PTPN14: variants seen among roughly 807,000 people sequenced by gnomAD.
PTPN14 encodes the protein tyrosine-protein phosphatase non-receptor type 14.
A neutral mutation model predicts 126.8 loss-of-function variants in PTPN14; 53 were observed. The observed-to-expected ratio is 0.42, with a 90% confidence interval of 0.34 to 0.53. The LOEUF is 0.53. PTPN14 is among the 20% of genes least tolerant of loss of function. The pLI, the probability that PTPN14 is intolerant of heterozygous loss-of-function variation, is 0.08. For missense variants in PTPN14, 1,257 were observed against 1,552.9 expected (o/e 0.81, Z 3.20); for synonymous variants, 630 against 599.3 (o/e 1.05, Z -0.75).
chr1:214,482,230 T>C (rs1661006700), intron 1 of PTPN14, among the ~76,000 whole-genome samples: 1 of 135,666 alleles, frequency 7.4e-6, no homozygotes, highest in African/African-American at 2.7e-5. Flanking sequence ...AGTGATAAAA[T>C]ATACTTTTAT....
intron 8 of PTPN14, among the ~76,000 whole-genome samples, chr1:214,395,630 CACACAG>C (rs1221160396): frequency 1.4e-5 from 2 of 145,778 alleles, no homozygotes; most frequent in African/African-American, 5.2e-5. Flanking sequence ...CACACACACA[CACACAG>C]AGTTTCCTTC....
At chr1:214,507,934 T>C (rs1378815546) in intron 1 of PTPN14, among the ~76,000 whole-genome samples, 3 of 152,254 alleles carry the variant, frequency 2.0e-5, no homozygotes, top group South Asian at 2.1e-4. Flanking sequence ...TGAGCTATGA[T>C]TGAACCTGTC....
chr1:214,407,331 T>C lies in PTPN14; in HGVS notation c.510+4353A>G, dbSNP rs143018335. On this transcript the variant is annotated intron_variant, in intron 5 of 18. Transcript: ENST00000366956. ...CCTGAGGTTAGGAGTTCAAGACCAG[T>C]CTGGCCAACATGGTGAAACCCCCCG... 5.3e-5 allele frequency among the ~76,000 whole-genome samples: 8 copies of C among 151,908 alleles called. No homozygotes were observed. The East Asian group carries it at 1.6e-3, about 29-fold the overall frequency.
chr1:214,355,400 C>T lies in PTPN14; in HGVS notation c.*2522G>A, dbSNP rs1657794888. On this transcript the variant is annotated 3_prime_UTR_variant, in exon 19 of 19. Coordinates refer to ENST00000366956, the MANE Select transcript of PTPN14 (RefSeq NM_005401.5). ...ATAAACCAGTAACTGAGACCACTTGCTAAAACATCCCTAACAGCAGAATAT... is the reference window on the plus strand; with the variant it reads ...ATAAACCAGTAACTGAGACCACTTGTTAAAACATCCCTAACAGCAGAATAT... 6.6e-6 allele frequency: 1 copy of T among 152,162 alleles called. No individual in the cohort carries two copies. The highest frequency in any genetic ancestry group is 2.4e-5 in the African/African-American group (1 of 41,438). The allele number at this position is 152,162 out of a possible 1,614,324, so 9.4% of individuals were successfully genotyped here. A position where few individuals can be genotyped will look rare whatever the true frequency, so the allele number is the denominator to read the frequency against.
Position 214,442,980 on chromosome 1 carries a change from T to C in PTPN14, c.344+8825A>G, listed in dbSNP as rs187198347. 6.6e-5 allele frequency among the ~76,000 whole-genome samples: 10 copies of C among 152,164 alleles called. No individual in the cohort carries two copies. The East Asian group carries it at 1.5e-3, about 24-fold the overall frequency. ...CTGGGATTACAGGTATGTGCCACCA[T>C]GCCAGGCTAATTTTGTACTTTTAGT... On this transcript the variant is annotated intron_variant, in intron 3 of 18. Transcript: ENST00000366956.
intron 15 of PTPN14, 144 bp from the exon 16 acceptor site, chr1:214,372,983 G>A: frequency 8.7e-7 from 1 of 1,153,100 alleles, no homozygotes; most frequent in Non-Finnish European, 1.2e-6. Flanking sequence ...AAAACCCTGA[G>A]ACTACAGAGG....
At chr1:214,474,770 A>T (rs545617165) in intron 1 of PTPN14, among the ~76,000 whole-genome samples, 1 of 152,292 alleles carries the variant, frequency 6.6e-6, no homozygotes, top group East Asian at 1.9e-4. Flanking sequence ...TTCTAGGAGG[A>T]CAAGTTAGTC....
rs1412209072 is a variant in PTPN14, at chr1:214,372,698, C to T, written c.3036+13G>A. 4 of 1,613,838 alleles carry T rather than the reference C, an allele frequency of 2.5e-6. No individual in the cohort carries two copies. Among genetic ancestry groups the T allele is most frequent in the African/African-American group, 1.3e-5 (1 of 74,916 alleles). The stretch of plus-strand genomic sequence containing the variant: ...CTGGGGAAAAAGGATGTGGAGTAGG[C>T]CATTCCCCTTACCTCCTCTGCAGTG... On this transcript the variant is annotated intron_variant, in intron 16 of 18. Coordinates refer to ENST00000366956, the MANE Select transcript of PTPN14 (RefSeq NM_005401.5).
chr1:214,522,926 C>T (rs1307711855), intron 1 of PTPN14, among the ~76,000 whole-genome samples: 1 of 152,146 alleles, frequency 6.6e-6, no homozygotes, highest in East Asian at 1.9e-4. Flanking sequence ...AGAAAGAAGG[C>T]AGTCACTCGG....
chr1:214,474,796 G>T (rs1382982766), intron 1 of PTPN14, among the ~76,000 whole-genome samples: 1 of 152,060 alleles, frequency 6.6e-6, no homozygotes, highest in East Asian at 1.9e-4. Flanking sequence ...AAGCTCCCCT[G>T]GTTATTGTTT....
chr1:214,528,689 G>A, intron 1 of PTPN14: 1 of 152,232 alleles, frequency 6.6e-6, no homozygotes, highest in East Asian at 1.9e-4. Flanking sequence ...CCAGCACTTT[G>A]AGAGGCCGAG....
At position 214,352,550 on chromosome 1, in the gene PTPN14, C is replaced by T. The variant is rs1657726474; in HGVS notation, c.*5372G>A. The stretch of plus-strand genomic sequence containing the variant: ...ACGTTGCTGTTACTTTCAACAGACG[C>T]CATCTGTAAGGTCCTTTGCCCCAAA... On this transcript the variant is annotated 3_prime_UTR_variant, in exon 19 of 19. Coordinates refer to ENST00000366956, the MANE Select transcript of PTPN14 (RefSeq NM_005401.5). The T allele has an allele frequency of 6.6e-6, 1 of 152,146 alleles. No individual in the cohort carries two copies. Among genetic ancestry groups the T allele is most frequent in the Non-Finnish European group, 1.5e-5 (1 of 68,030 alleles). The allele number at this position is 152,146 out of a possible 1,614,324, so 9.4% of individuals were successfully genotyped here.
At chr1:214,547,002 T>A (rs926588246) in intron 1 of PTPN14, among the ~76,000 whole-genome samples, 4 of 152,056 alleles carry the variant, frequency 2.6e-5, no homozygotes, top group African/African-American at 9.7e-5. Flanking sequence ...AATATGTCAT[T>A]TATAACCCAA....
intron 12 of PTPN14, among the ~76,000 whole-genome samples, chr1:214,386,569 C>T (rs899959001): frequency 2.6e-5 from 4 of 152,198 alleles, no homozygotes; most frequent in Non-Finnish European, 5.9e-5. Flanking sequence ...CTGTCATACT[C>T]TCTTCTCTAA....
At chr1:214,473,775 A>C (rs901587042) in intron 1 of PTPN14, among the ~76,000 whole-genome samples, 1 of 152,162 alleles carries the variant, frequency 6.6e-6, no homozygotes, top group African/African-American at 2.4e-5. Context: ...GTCTACTCTT[A>C]TTTTCCTTTA....
intron 1 of PTPN14, among the ~76,000 whole-genome samples, chr1:214,478,654 T>C (rs1031142535): frequency 2.6e-5 from 4 of 152,224 alleles, no homozygotes; most frequent in African/African-American, 4.8e-5. Context: ...TCATGATTCA[T>C]TGATCGTTTC....
chr1:214,546,334 C>G (rs1448841819), intron 1 of PTPN14, among the ~76,000 whole-genome samples: 1 of 152,126 alleles, frequency 6.6e-6, no homozygotes, highest in African/African-American at 2.4e-5. Flanking sequence ...GGCTAATGCC[C>G]CAATTACTTG....
At chr1:214,480,910 C>CA (rs1455594339) in intron 1 of PTPN14, among the ~76,000 whole-genome samples, 1 of 152,140 alleles carries the variant, frequency 6.6e-6, no homozygotes, top group African/African-American at 2.4e-5. Flanking sequence ...ATGAATAGAG[C>CA]AGCAGATATG....
At chr1:214,508,775 G>T (rs764112419) in intron 1 of PTPN14, among the ~76,000 whole-genome samples, 2 of 152,184 alleles carry the variant, frequency 1.3e-5, no homozygotes, top group Non-Finnish European at 2.9e-5. Flanking sequence ...CTTGAAAGTC[G>T]AAATTACTCC....
Sources: gnomAD v4.1 joint callset for allele counts (sites outside exome capture counted in the v4.1 genomes callset) on GRCh38, gnomAD v4.1.1 for gene constraint, MANE v1.5 for transcripts, NCBI Gene and HGNC (gene_info 2026-07-23, HGNC 2026-07-21) for gene names.